ABLIM1: variants seen among roughly 807,000 people sequenced by gnomAD.
The protein encoded by ABLIM1 is actin binding LIM protein 1.
ABLIM1 carries 40 observed loss-of-function variants against 107.0 expected under a neutral mutation model. The observed-to-expected ratio is 0.37, with a 90% CI of 0.29 to 0.49. The LOEUF (loss-of-function observed/expected upper bound fraction) is 0.49. ABLIM1 is among the 20% of genes least tolerant of loss of function. The pLI is 0.97. For synonymous variants in ABLIM1, 357 were observed against 357.3 expected (o/e 1.00, Z 0.01); for missense variants, 857 against 1,008.5 (o/e 0.85, Z 2.04).
At chr10:114,769,505 AGAG>A (rs1566324969), upstream of ABLIM1, among the ~76,000 whole-genome samples, 65 of 149,856 alleles carry the variant, frequency 4.3e-4, no homozygotes, top group Admixed American at 6.6e-4. Context: ...GAAGGAAGAG[AGAG>A]AAGGAAGGAA....
chr10:114,623,485 G>T (rs1041792748), intron 1 of ABLIM1, among the ~76,000 whole-genome samples: 1 of 152,128 alleles, frequency 6.6e-6, no homozygotes, highest in Non-Finnish European at 1.5e-5. Context: ...ATCTGTGCAT[G>T]GTGAGCCAGA....
exon 1 of ABLIM1, chr10:114,684,481 C>T (rs1276246190): frequency 2.7e-5 from 40 of 1,458,228 alleles, no homozygotes; most frequent in Non-Finnish European, 3.2e-5. Flanking sequence ...GAACTGGACC[C>T]GAGGGAGGGG....
rs1005557854 is a variant in ABLIM1, at chr10:114,432,403, G to A, written c.*3857C>T. ...GTTCTGTGAGCACCCAACCTGGAGC[G>A]GTCACCTGTCTCTTCCATACACAGG... On this transcript the variant is annotated 3_prime_UTR_variant, in exon 23 of 23. Transcript: ENST00000533213. 2 of 152,112 alleles carry A rather than the reference G, an allele frequency of 1.3e-5. No individual in the cohort carries two copies. Among genetic ancestry groups the A allele is most frequent in the Non-Finnish European group, 2.9e-5 (2 of 68,018 alleles). The allele number at this position is 152,112 out of a possible 1,614,324, so 9.4% of individuals were successfully genotyped here.
chr10:114,630,499 A>G (rs1188599686), intron 1 of ABLIM1, among the ~76,000 whole-genome samples: 2 of 152,192 alleles, frequency 1.3e-5, no homozygotes, highest in East Asian at 3.8e-4. Context: ...GTGATTACTA[A>G]AGATCTATAG....
intron 1 of ABLIM1, among the ~76,000 whole-genome samples, chr10:114,708,709 TAATAA>T (rs953677437): frequency 2.0e-5 from 3 of 152,168 alleles, no homozygotes; most frequent in African/African-American, 7.2e-5. Flanking sequence ...ACCAACTGAC[TAATAA>T]AATCTACATA....
At chr10:114,562,098 C>T (rs1376462292) in intron 4 of ABLIM1, among the ~76,000 whole-genome samples, 1 of 152,210 alleles carries the variant, frequency 6.6e-6, no homozygotes, top group African/African-American at 2.4e-5. Context: ...AGTAGAGCAA[C>T]ATTGAAATTG....
chr10:114,441,865 T>C, intron 17 of ABLIM1, 79 bp from the exon 18 acceptor site: 1 of 1,294,598 alleles, frequency 7.7e-7, no homozygotes, highest in Non-Finnish European at 1.1e-6. Flanking sequence ...CAGTATCTTC[T>C]ACCTCACAGG....
chr10:114,665,670 C>G lies in ABLIM1; in HGVS notation c.64+18620G>C, dbSNP rs986938720. 8.2e-4 allele frequency among the ~76,000 whole-genome samples: 125 copies of G among 152,204 alleles called. 2 individuals are homozygous for G. Among genetic ancestry groups the G allele is most frequent in the Non-Finnish European group, 2.9e-4 (20 of 68,032 alleles). On this transcript the variant is annotated intron_variant, in intron 1 of 23. Coordinates refer to the ABLIM1 transcript ENST00000369256. Reference sequence around the variant, plus strand: ...TTCTGGGAAAACTGTTGGCATGGATCCACAAATACATTTCACACTGATTCA... The same window carrying G: ...TTCTGGGAAAACTGTTGGCATGGATGCACAAATACATTTCACACTGATTCA...
chr10:114,641,942 G>A (rs141025625), intron 1 of ABLIM1, among the ~76,000 whole-genome samples: 288 of 151,856 alleles, frequency 1.9e-3, no homozygotes, highest in African/African-American at 6.7e-3. Flanking sequence ...GAGTGCAGTG[G>A]CATGATCATA....
In ABLIM1 at chr10:114,547,652, G is replaced by A; in HGVS notation, c.798C>T (p.Ser266=). 1 of 1,613,666 alleles carries A rather than the reference G, an allele frequency of 6.2e-7. No homozygotes were observed. Among genetic ancestry groups the A allele is most frequent in the Non-Finnish European group, 8.5e-7 (1 of 1,179,996 alleles). The part of the protein sequence containing the change: ...CGKVLTGEYI[S]KDGAPYCEKD... ...CGCGTGCCCGCGCCCAGCCTTACTT[G>A]CTGATGTACTCCCCGGTGAGGACCT... Residue 266 remains serine (S), a splice_region_variant and synonymous_variant, in exon 5 of 23, where the codon AGC becomes AGT. Coordinates refer to ENST00000533213, the MANE Select transcript of ABLIM1 (RefSeq NM_002313.7).
At chr10:114,761,869 T>G (rs923642412) in intron 1 of ABLIM1, among the ~76,000 whole-genome samples, 1 of 152,194 alleles carries the variant, frequency 6.6e-6, no homozygotes, top group African/African-American at 2.4e-5. Context: ...CAACTCATTC[T>G]TCAAGAAAAC....
intron 1 of ABLIM1, among the ~76,000 whole-genome samples, chr10:114,725,802 T>C (rs1489890289): frequency 6.6e-6 from 1 of 150,952 alleles, no homozygotes; most frequent in African/African-American, 2.4e-5. Flanking sequence ...CAGGGCTCAG[T>C]GGTGCAATCA....
chr10:114,700,948 A>G (rs2081296198), intron 1 of ABLIM1, among the ~76,000 whole-genome samples: 2 of 152,146 alleles, frequency 1.3e-5, no homozygotes, highest in Admixed American at 1.3e-4. Flanking sequence ...CTTCACCAAA[A>G]TTAAACACTC....
the ABLIM1 span, chr10:114,778,046 C>T: frequency 6.6e-6 from 1 of 152,234 alleles, no homozygotes; most frequent in Non-Finnish European, 1.5e-5. Context: ...CAAAAGGTGA[C>T]TTGTCAAAAT....
At chr10:114,517,662 T>C (rs564103345) in intron 6 of ABLIM1, among the ~76,000 whole-genome samples, 3 of 152,302 alleles carry the variant, frequency 2.0e-5, no homozygotes, top group Admixed American at 6.5e-5. Flanking sequence ...TGCGATAAAC[T>C]GTGTTCACAG....
At chr10:114,479,929 T>C (rs1435715839) in intron 8 of ABLIM1, among the ~76,000 whole-genome samples, 1 of 152,246 alleles carries the variant, frequency 6.6e-6, no homozygotes, top group Non-Finnish European at 1.5e-5. Flanking sequence ...AATGAATCCA[T>C]AATTTGCTGT....
At chr10:114,440,132 TG>T (rs781497009) in intron 19 of ABLIM1, 43 bp from the exon 20 acceptor site, 51 of 1,574,392 alleles carry the variant, frequency 3.2e-5, no homozygotes, top group Non-Finnish European at 4.2e-5. Context: ...GGAAAGACCA[TG>T]GAAAAGCAAG....
intron 1 of ABLIM1, among the ~76,000 whole-genome samples, chr10:114,708,164 G>A (rs998299795): frequency 2.6e-5 from 4 of 152,128 alleles, no homozygotes; most frequent in African/African-American, 7.2e-5. Flanking sequence ...GATGGCAAGC[G>A]TGAAATGCAT....
intron 6 of ABLIM1, among the ~76,000 whole-genome samples, chr10:114,517,646 C>CT (rs1362156908): frequency 3.9e-5 from 6 of 152,110 alleles, no homozygotes; most frequent in Non-Finnish European, 2.9e-5. Context: ...TGGGTCTGTA[C>CT]TTTTTTGCGA....
Sources: allele counts gnomAD v4.1 joint callset (sites outside exome capture counted in the v4.1 genomes callset), GRCh38; gene constraint gnomAD v4.1.1; transcripts MANE v1.5; gene names NCBI Gene and HGNC (gene_info 2026-07-23, HGNC 2026-07-21).